DSC2: variants seen among roughly 807,000 people sequenced by gnomAD.
DSC2 encodes desmocollin 2, also known as desmocollin-2.
Under a neutral mutation model 87.6 loss-of-function variants are expected in DSC2, and 51 were observed. The ratio of observed to expected loss-of-function variants is 0.58; its 90% CI spans 0.46 to 0.74. The LOEUF (loss-of-function observed/expected upper bound fraction) is 0.74, where lower values mean the gene tolerates loss of function less well. DSC2 is among the 30% of genes least tolerant of loss of function. The pLI is 0.00. For synonymous variants in DSC2, 383 were observed against 393.2 expected (o/e 0.97, Z 0.31); for missense variants, 1,066 against 1,089.5 (o/e 0.98, Z 0.30).
rs1986492174 is a variant in DSC2, at chr18:31,061,087, C to G, written c.*6928G>C. ...GGCTTCTATACTTTTCCCCTACTAG[C>G]CTGTTACTCCTGTGACTGATTCATG... is the stretch of plus-strand genomic sequence containing the variant. On this transcript the variant is annotated 3_prime_UTR_variant, in exon 16 of 16. Transcript: ENST00000280904. 2 of 152,176 alleles carry G rather than the reference C, an allele frequency of 1.3e-5. No individual in the cohort carries two copies. The highest frequency in any genetic ancestry group is 4.1e-4 in the South Asian group (2 of 4,838). 9.4% of individuals were successfully genotyped at this position (152,176 alleles called of 1,614,324 possible).
Position 31,102,105 on chromosome 18 carries a change from G to T in DSC2, c.-134C>A, listed in dbSNP as rs1364216193. The T allele has an allele frequency of 1.6e-5, 11 of 693,320 alleles. No homozygotes were observed. The East Asian group carries it at 3.0e-4, about 19-fold the overall frequency. The allele number at this position is 693,320 out of a possible 1,614,324, so 42.9% of individuals were successfully genotyped here. A position where few individuals can be genotyped will look rare whatever the true frequency, so the allele number is the denominator to read the frequency against. On this transcript the variant is annotated 5_prime_UTR_variant, in exon 1 of 16. Transcript: ENST00000280904. ...GCGCGAGGCGGAGGAGGTGGGGCGC[G>T]CGGAGAGGTGCTTTTCTTAGCTTCT...
chr18:31,071,090 A>T (rs533864476), intron 13 of DSC2, among the ~76,000 whole-genome samples: 2 of 152,170 alleles, frequency 1.3e-5, no homozygotes, highest in East Asian at 3.9e-4. Flanking sequence ...ATTATGTTAC[A>T]TGTTCTGTTT....
intron 3 of DSC2, chr18:31,091,478 AAAAT>A: frequency 2.1e-6 from 1 of 481,686 alleles, no homozygotes; most frequent in Non-Finnish European, 4.1e-6. Context: ...ATATGCAAAG[AAAAT>A]AAGTGTGTAT....
intron 14 of DSC2, among the ~76,000 whole-genome samples, chr18:31,069,915 TCAAC>T (rs1986769137): frequency 6.6e-6 from 1 of 152,126 alleles, no homozygotes; most frequent in Non-Finnish European, 1.5e-5. Context: ...CAGTTATACT[TCAAC>T]TAAATCAAAA....
At position 31,062,218 on chromosome 18, in the gene DSC2, T is replaced by C. The variant is rs1180289754; in HGVS notation, c.*5797A>G. 1 of 152,232 alleles carries C rather than the reference T, an allele frequency of 6.6e-6. No homozygotes were observed. Among genetic ancestry groups the C allele is most frequent in the African/African-American group, 2.4e-5 (1 of 41,462 alleles). The allele number at this position is 152,232 out of a possible 1,614,324, so 9.4% of individuals were successfully genotyped here. On this transcript the variant is annotated 3_prime_UTR_variant, in exon 16 of 16. Coordinates refer to ENST00000280904, the MANE Select transcript of DSC2 (RefSeq NM_024422.6). ...GCCTAACATGGAAAAAGCTCGTAGA[T>C]GTATGCCACTTTCTTTGCTTTGTGG...
chr18:31,093,584 T>C lies in DSC2; in HGVS notation c.129A>G (p.Leu43=), dbSNP rs1987671247. ...CTCTACCAACAAGTTTCTCGGCATC[T>C]AGTTTGGAGGGAACATGTAATGTCA... is the stretch of plus-strand genomic sequence containing the variant. The part of the protein sequence containing the change: ...KNVTLHVPSK[L]DAEKLVGRVN... Residue 43 remains leucine, a synonymous_variant, in exon 2 of 16, where the codon CTA becomes CTG. Coordinates refer to ENST00000280904, the MANE Select transcript of DSC2 (RefSeq NM_024422.6). 6.2e-7 allele frequency: 1 copy of C among 1,606,496 alleles called. No individual in the cohort carries two copies. The highest frequency in any genetic ancestry group is 1.1e-5 in the South Asian group (1 of 90,886).
Position 31,068,288 on chromosome 18 carries a change from CTTTGA to C in DSC2, c.2509-81_2509-77del, listed in dbSNP as rs1372329051. 2.5e-6 allele frequency: 4 copies of C among 1,612,916 alleles called. No individual in the cohort carries two copies. In the African/African-American group the frequency reaches 4.0e-5, roughly 16 times the overall value. On this transcript the variant is annotated intron_variant, in intron 15 of 15. Transcript: ENST00000280904. ...AAATTTACTAACATAAAAGTAATTG[CTTTGA>C]TTTACCTTTCATTGTTTAATTTTTA...
In DSC2 at chr18:31,080,447, A is replaced by G. The variant is rs373932593; in HGVS notation, c.1264-95T>C. ...TAATGTTAAATTTGGAAATATGTTA[A>G]GTGTCATGTTGGGAATAACCACGAG... is the stretch of plus-strand genomic sequence containing the variant. On this transcript the variant is annotated intron_variant, in intron 9 of 15. Transcript: ENST00000280904. 6 of 1,449,096 alleles carry G rather than the reference A, an allele frequency of 4.1e-6. No individual in the cohort carries two copies. In the African/African-American group the frequency reaches 5.6e-5, roughly 14 times the overall value. The allele number at this position is 1,449,096 out of a possible 1,614,324, so 89.8% of individuals were successfully genotyped here.
chr18:31,101,279 C>CCCCCCCT, intron 1 of DSC2: 1 of 969,656 alleles, frequency 1.0e-6, no homozygotes, highest in Non-Finnish European at 1.2e-6. Context: ...CTCCCCCACC[C>CCCCCCCT]GCCACTTCCC....
rs1598576321 is a variant in DSC2, at chr18:31,074,994, T to C, written c.1664-87A>G. On this transcript the variant is annotated intron_variant, in intron 11 of 15. Transcript: ENST00000280904. ...ACTGAACACATTGAAAAATATTTATTAAGCACCTATAATGTAGAAGTTACA... is the reference window on the plus strand; with the variant it reads ...ACTGAACACATTGAAAAATATTTATCAAGCACCTATAATGTAGAAGTTACA... 2.3e-6 allele frequency: 3 copies of C among 1,325,942 alleles called. No homozygotes were observed. In the East Asian group the frequency reaches 7.5e-5, roughly 33 times the overall value. 82.1% of individuals were successfully genotyped at this position (1,325,942 alleles called of 1,614,324 possible). A position where few individuals can be genotyped will look rare whatever the true frequency, so the allele number is the denominator to read the frequency against.
intron 1 of DSC2, among the ~76,000 whole-genome samples, chr18:31,095,570 T>G (rs1790693): frequency 1 from 151,888 of 152,280 alleles, 75,750 homozygotes; most frequent in Middle Eastern, 1. Flanking sequence ...GGTAATAATG[T>G]TGGAGAAGAT....
In DSC2 at chr18:31,068,946, C is replaced by T. The variant is rs773961399; in HGVS notation, c.2456G>A (p.Cys819Tyr). The T allele has an allele frequency of 1.4e-5, 22 of 1,614,062 alleles. No homozygotes were observed. The highest frequency in any genetic ancestry group is 1.8e-5 in the Non-Finnish European group (21 of 1,180,008). The change falls in exon 15 of 16, where the codon TGC (cysteine) becomes TAC (tyrosine). Residue 819 changes from cysteine (C) to tyrosine (Y), a missense_variant. By Grantham distance (194) the Cys-to-Tyr change is radical (BLOSUM62 -2). Transcript: ENST00000280904. ...GTGCCACTCCGAGTAAGTGTATCTG[C>T]AGTTGTCCACCTCCGTGTGTCCTCC... Reference protein sequence around the residue: ...CRGGHTEVDNCRYTYSEWHSF... With the variant: ...CRGGHTEVDNYRYTYSEWHSF...
intron 13 of DSC2, 43 bp from the exon 14 acceptor site, chr18:31,070,893 T>A: frequency 6.2e-7 from 1 of 1,603,066 alleles, no homozygotes; most frequent in Non-Finnish European, 8.5e-7. Flanking sequence ...CATAAAATAA[T>A]ATGAAGTTAT....
At chr18:31,091,288 T>A in intron 3 of DSC2, 141 bp from the exon 4 acceptor site, 1 of 873,284 alleles carries the variant, frequency 1.1e-6, no homozygotes, top group Non-Finnish European at 1.8e-6. Context: ...ACCAAACTAA[T>A]CATCAACACT....
At chr18:31,083,509 T>C (rs2144822991) in intron 7 of DSC2, among the ~76,000 whole-genome samples, 1 of 152,330 alleles carries the variant, frequency 6.6e-6, no homozygotes, top group East Asian at 1.9e-4. Flanking sequence ...TGGTAATTAA[T>C]CAAAACCTTT....
chr18:31,101,602 G>A (rs890097671), intron 1 of DSC2: 16 of 374,212 alleles, frequency 4.3e-5, no homozygotes, highest in African/African-American at 1.1e-4. Context: ...CCTGCTCCCC[G>A]GCGCGTACCC....
chr18:31,087,704 G>A lies in DSC2; in HGVS notation c.740C>T (p.Thr247Ile). ...ATTTTCAAAAATTGTAAAAGTATAA[G>A]TTTCTTCTGTAAAAATTGGGTAGTT... Reference protein sequence around the residue: ...NDNYPIFTEETYTFTIFENCR... With the variant: ...NDNYPIFTEEIYTFTIFENCR... Residue 247 changes from threonine to isoleucine, a missense_variant, in exon 6 of 16, where the codon ACT becomes ATT. Thr to Ile is a moderately conservative substitution (Grantham distance 89, BLOSUM62 -1). Transcript: ENST00000280904. 1 of 1,613,388 alleles carries A rather than the reference G, an allele frequency of 6.2e-7. No individual in the cohort carries two copies. Among genetic ancestry groups the A allele is most frequent in the Non-Finnish European group, 8.5e-7 (1 of 1,179,832 alleles).
chr18:31,084,893 A>G (rs745451413), intron 7 of DSC2, among the ~76,000 whole-genome samples: 21 of 152,092 alleles, frequency 1.4e-4, no homozygotes, highest in South Asian at 1.0e-3. Flanking sequence ...TCTTTTTGAT[A>G]TTATTTAATG....
At chr18:31,083,332 C>T (rs1987294726) in intron 7 of DSC2, among the ~76,000 whole-genome samples, 2 of 151,698 alleles carry the variant, frequency 1.3e-5, no homozygotes, top group African/African-American at 4.8e-5. Flanking sequence ...CTCCCGGGTT[C>T]AAGCGAGGCA....
Sources: allele counts gnomAD v4.1 joint callset (sites outside exome capture counted in the v4.1 genomes callset), GRCh38; gene constraint gnomAD v4.1.1; transcripts MANE v1.5; gene names NCBI Gene and HGNC (gene_info 2026-07-23, HGNC 2026-07-21).